VOPP1: variants seen among roughly 807,000 people sequenced by gnomAD.
VOPP1 encodes the protein VOPP1 WW domain binding protein, also known as WW domain binding protein VOPP1.
In VOPP1, 8 loss-of-function variants were observed where a neutral mutation model predicts 23.5. That is an observed-to-expected ratio of 0.34 (90% CI 0.20 to 0.61). The LOEUF is 0.61. VOPP1 is among the 20% of genes least tolerant of loss of function. The probability of loss-of-function intolerance (pLI) is 0.78; values close to 1 mark genes in which losing one functional copy is unlikely to be tolerated. For missense variants in VOPP1, 174 were observed against 238.1 expected (o/e 0.73, Z 1.77); for synonymous variants, 83 against 97.3 (o/e 0.85, Z 0.86).
intron 4 of VOPP1, among the ~76,000 whole-genome samples, chr7:55,481,230 A>G (rs1792685843): frequency 6.6e-6 from 1 of 152,224 alleles, no homozygotes; most frequent in African/African-American, 2.4e-5. Flanking sequence ...CAGGGGAGTG[A>G]GCCAGGAGGG....
intron 2 of VOPP1, among the ~76,000 whole-genome samples, chr7:55,502,859 T>C (rs776402610): frequency 3.9e-5 from 6 of 152,158 alleles, no homozygotes; most frequent in Non-Finnish European, 8.8e-5. Context: ...CAGCAAGGGT[T>C]TTTCATCTCG....
chr7:55,531,846 A>G (rs1796515835), intron 1 of VOPP1, among the ~76,000 whole-genome samples: 1 of 152,234 alleles, frequency 6.6e-6, no homozygotes, highest in African/African-American at 2.4e-5. Context: ...TGAGATATGT[A>G]CCAAAAGACT....
In VOPP1 at chr7:55,572,338, C is replaced by T. The variant is rs1181567472; in HGVS notation, c.-14G>A. On this transcript the variant is annotated 5_prime_UTR_variant, in exon 1 of 5. Transcript: ENST00000285279. ...CTGGCGCCTCATGGCTCCTCGCGTC[C>T]TCTCCAGCGCGCCCGGACGCCGGGT... 1 of 1,371,412 alleles carries T rather than the reference C, an allele frequency of 7.3e-7. No homozygotes were observed. The highest frequency in any genetic ancestry group is 9.4e-7 in the Non-Finnish European group (1 of 1,064,582). 85.0% of individuals were successfully genotyped at this position (1,371,412 alleles called of 1,614,324 possible). A position where few individuals can be genotyped will look rare whatever the true frequency, so the allele number is the denominator to read the frequency against.
chr7:55,480,445 C>T (rs1358785637), intron 4 of VOPP1, among the ~76,000 whole-genome samples: 1 of 152,150 alleles, frequency 6.6e-6, no homozygotes, highest in Non-Finnish European at 1.5e-5. Flanking sequence ...TGTTCTTCTC[C>T]TTTATTGATT....
At chr7:55,567,747 C>T (rs1457342963) in intron 1 of VOPP1, among the ~76,000 whole-genome samples, 1 of 152,150 alleles carries the variant, frequency 6.6e-6, no homozygotes, top group Non-Finnish European at 1.5e-5. Context: ...CCTGGCCTCC[C>T]GTGGAGTTTC....
intron 1 of VOPP1, among the ~76,000 whole-genome samples, chr7:55,535,176 A>T (rs1014173520): frequency 6.6e-6 from 1 of 152,206 alleles, no homozygotes; most frequent in Non-Finnish European, 1.5e-5. Context: ...GCTCTGTCAT[A>T]GAGAATAGGA....
At chr7:55,492,557 A>G in intron 3 of VOPP1, 139 bp from the exon 4 acceptor site, 1 of 1,078,152 alleles carries the variant, frequency 9.3e-7, no homozygotes, top group Middle Eastern at 2.1e-4. Context: ...AGGCAAGGGC[A>G]GAGCCATGAG....
chr7:55,468,351 G>A (rs531418986), downstream of VOPP1, among the ~76,000 whole-genome samples: 1 of 152,050 alleles, frequency 6.6e-6, no homozygotes, highest in Admixed American at 6.6e-5. Context: ...ACATGATGGG[G>A]CCTTTGGAGC....
chr7:55,481,829 C>A (rs1792735120), intron 4 of VOPP1, among the ~76,000 whole-genome samples: 1 of 152,198 alleles, frequency 6.6e-6, no homozygotes, highest in Non-Finnish European at 1.5e-5. Context: ...GAGCAACTTT[C>A]CGAAAATCGC....
intron 4 of VOPP1, among the ~76,000 whole-genome samples, chr7:55,439,225 G>A (rs2128998709): frequency 6.6e-6 from 1 of 152,220 alleles, no homozygotes; most frequent in East Asian, 1.9e-4. Context: ...ACAGCCCTGG[G>A]CCACAGCAGC....
intron 1 of VOPP1, among the ~76,000 whole-genome samples, chr7:55,535,626 T>C (rs916949404): frequency 3.3e-5 from 5 of 152,258 alleles, no homozygotes; most frequent in Non-Finnish European, 4.4e-5. Flanking sequence ...AGCCTCAGCC[T>C]CAGTGTCACT....
chr7:55,465,911 G>A (rs532557795), downstream of VOPP1, among the ~76,000 whole-genome samples: 132 of 152,274 alleles, frequency 8.7e-4, 1 homozygote, highest in African/African-American at 2.9e-3. Context: ...ACTGAGAACC[G>A]CTATGGACTG....
chr7:55,451,477 T>C (rs192428039), intron 4 of VOPP1, among the ~76,000 whole-genome samples: 2 of 152,292 alleles, frequency 1.3e-5, no homozygotes, highest in African/African-American at 4.8e-5. Flanking sequence ...AAAGCCACAA[T>C]GTACATAGCT....
chr7:55,568,433 A>T (rs1798236460), intron 1 of VOPP1, among the ~76,000 whole-genome samples: 1 of 152,196 alleles, frequency 6.6e-6, no homozygotes, highest in Admixed American at 6.5e-5. Context: ...ACAGCATTGA[A>T]GCACAAAGCA....
chr7:55,528,547 T>A (rs1796317128), intron 1 of VOPP1, among the ~76,000 whole-genome samples: 1 of 152,094 alleles, frequency 6.6e-6, no homozygotes, highest in African/African-American at 2.4e-5. Flanking sequence ...TAGCTGGGCG[T>A]GGTGGCGCAT....
At chr7:55,557,794 T>A (rs1797859429) in intron 1 of VOPP1, among the ~76,000 whole-genome samples, 1 of 152,214 alleles carries the variant, frequency 6.6e-6, no homozygotes, top group Non-Finnish European at 1.5e-5. Flanking sequence ...CCGCAGAGAA[T>A]GGCAGAATGG....
chr7:55,565,153 G>A (rs1407549411), intron 1 of VOPP1, among the ~76,000 whole-genome samples: 2 of 152,144 alleles, frequency 1.3e-5, no homozygotes, highest in African/African-American at 4.8e-5. Flanking sequence ...ACCCTGACAA[G>A]GGAAGGTCAC....
chr7:55,438,799 G>A lies in VOPP1; in HGVS notation n.418-2625C>T, dbSNP rs189988586. 6.4e-3 allele frequency among the ~76,000 whole-genome samples: 977 copies of A among 152,348 alleles called. 16 individuals are homozygous for A. Among genetic ancestry groups the A allele is most frequent in the South Asian group, 0.023 (111 of 4,824 alleles). On this transcript the variant is annotated intron_variant and non_coding_transcript_variant, in intron 4 of 4. Coordinates refer to the VOPP1 transcript ENST00000462326. ...CACTGTAGGAGCACAGGCAGGAGCA[G>A]AGACCCAGGCAGCGGGTCTGGGAGG... is the stretch of plus-strand genomic sequence containing the variant.
intron 4 of VOPP1, among the ~76,000 whole-genome samples, chr7:55,464,761 T>C (rs897889074): frequency 6.6e-6 from 1 of 152,186 alleles, no homozygotes; most frequent in African/African-American, 2.4e-5. Flanking sequence ...GGGAAGGATG[T>C]AGTCTGGTGG....
Sources: gnomAD v4.1 joint callset for allele counts (sites outside exome capture counted in the v4.1 genomes callset) on GRCh38, gnomAD v4.1.1 for gene constraint, MANE v1.5 for transcripts, NCBI Gene and HGNC (gene_info 2026-07-23, HGNC 2026-07-21) for gene names.